Variants in TMEM132D observed in about 807,000 individuals in gnomAD.
The protein encoded by TMEM132D is transmembrane protein 132D.
TMEM132D carries 21 observed loss-of-function variants against 62.3 expected under a neutral mutation model. The observed-to-expected ratio is 0.34, with a 90% CI of 0.24 to 0.49. The LOEUF (loss-of-function observed/expected upper bound fraction) is 0.49, where lower values mean the gene tolerates loss of function less well. Ranked by LOEUF, TMEM132D falls within the 20% of genes least tolerant of loss-of-function variation. The pLI is 0.99. For synonymous variants in TMEM132D, 621 were observed against 575.6 expected (o/e 1.08, Z -1.13); for missense variants, 1,346 against 1,402.8 (o/e 0.96, Z 0.65).
chr12:129,609,104 A>C (rs911193319), intron 2 of TMEM132D, among the ~76,000 whole-genome samples: 6 of 151,858 alleles, frequency 4.0e-5, no homozygotes, highest in Admixed American at 3.9e-4. Flanking sequence ...ACACGCCCAG[A>C]TAATTTTTTT....
chr12:129,278,638 C>G (rs1337873143), intron 4 of TMEM132D, among the ~76,000 whole-genome samples: 1 of 152,124 alleles, frequency 6.6e-6, no homozygotes, highest in Non-Finnish European at 1.5e-5. Context: ...TGAGGTCCCT[C>G]CAGCATTAAG....
chr12:129,414,599 TC>T (rs1439907527), intron 3 of TMEM132D, among the ~76,000 whole-genome samples: 2 of 152,252 alleles, frequency 1.3e-5, no homozygotes, highest in African/African-American at 4.8e-5. Flanking sequence ...ATGACCACAA[TC>T]AGGATAACTG....
At chr12:129,776,909 G>A (rs1209387124) in intron 1 of TMEM132D, among the ~76,000 whole-genome samples, 1 of 151,602 alleles carries the variant, frequency 6.6e-6, no homozygotes, top group Non-Finnish European at 1.5e-5. Context: ...CTACACCTTT[G>A]GGTAGGAAAA....
chr12:129,447,147 T>C (rs542638108), intron 3 of TMEM132D, among the ~76,000 whole-genome samples: 6 of 152,094 alleles, frequency 3.9e-5, no homozygotes, highest in African/African-American at 1.4e-4. Flanking sequence ...CTTGGTGGAG[T>C]AGAAACAATT....
chr12:129,218,665 C>A (rs968529626), intron 4 of TMEM132D, among the ~76,000 whole-genome samples: 1 of 152,180 alleles, frequency 6.6e-6, no homozygotes, highest in African/African-American at 2.4e-5. Context: ...GTGATTAGAT[C>A]AAAGTATATT....
At chr12:129,513,996 C>A (rs1566093934) in intron 3 of TMEM132D, among the ~76,000 whole-genome samples, 1 of 150,250 alleles carries the variant, frequency 6.7e-6, no homozygotes, top group Non-Finnish European at 1.5e-5. Flanking sequence ...CGCCACCACG[C>A]CTGGCTAATT....
chr12:129,642,208 T>C (rs950870535), intron 2 of TMEM132D, among the ~76,000 whole-genome samples: 2 of 152,104 alleles, frequency 1.3e-5, no homozygotes, highest in African/African-American at 4.8e-5. Flanking sequence ...GTCACAAGGG[T>C]GAATGCAATC....
intron 4 of TMEM132D, among the ~76,000 whole-genome samples, chr12:129,281,305 T>C (rs944116687): frequency 4.5e-4 from 68 of 152,288 alleles, no homozygotes; most frequent in African/African-American, 1.5e-3. Flanking sequence ...GAAGGTGTCA[T>C]TTGTAACCTC....
intron 3 of TMEM132D, among the ~76,000 whole-genome samples, chr12:129,491,548 C>T (rs977991619): frequency 6.6e-6 from 1 of 152,132 alleles, no homozygotes; most frequent in Non-Finnish European, 1.5e-5. Context: ...TCACTCCATG[C>T]GGTCACTTAG....
chr12:129,649,265 ATTGAATTCCATATTCC>A (rs1344485651), intron 2 of TMEM132D, among the ~76,000 whole-genome samples: 1 of 152,200 alleles, frequency 6.6e-6, no homozygotes, highest in Non-Finnish European at 1.5e-5. Flanking sequence ...GTCATCAGGA[ATTGAATTCCATATTCC>A]TTCACTTTCT....
At chr12:129,078,299 A>T (rs565944987) in intron 8 of TMEM132D, among the ~76,000 whole-genome samples, 2 of 152,278 alleles carry the variant, frequency 1.3e-5, no homozygotes, top group African/African-American at 4.8e-5. Flanking sequence ...CATTTTTCAC[A>T]TGTTGCAATC....
intron 3 of TMEM132D, among the ~76,000 whole-genome samples, chr12:129,387,211 CAACACTAACACTAATAT>C (rs1871130719): frequency 8.3e-6 from 1 of 120,724 alleles, no homozygotes; most frequent in Admixed American, 7.5e-5. Context: ...ACAATAATAC[CAACACTAACACTAATAT>C]AACACTAACA....
chr12:129,787,501 A>G (rs1386387529), intron 1 of TMEM132D, among the ~76,000 whole-genome samples: 11 of 152,188 alleles, frequency 7.2e-5, no homozygotes, highest in African/African-American at 2.7e-4. Context: ...CTCTTAATCT[A>G]CAGAAAGAGC....
chr12:129,629,547 T>C (rs1308765077), intron 2 of TMEM132D, among the ~76,000 whole-genome samples: 1 of 152,212 alleles, frequency 6.6e-6, no homozygotes, highest in African/African-American at 2.4e-5. Flanking sequence ...GCCTCTCCCA[T>C]GATGTCCGTC....
chr12:129,356,550 A>T (rs1234815979), intron 3 of TMEM132D, among the ~76,000 whole-genome samples: 7 of 151,218 alleles, frequency 4.6e-5, no homozygotes, highest in Non-Finnish European at 1.0e-4. Flanking sequence ...GGGCTCGGTG[A>T]CTCATGCCTG....
chr12:129,828,040 G>C (rs1037106189), intron 1 of TMEM132D, among the ~76,000 whole-genome samples: 4 of 152,170 alleles, frequency 2.6e-5, no homozygotes, highest in Non-Finnish European at 5.9e-5. Flanking sequence ...TGCTCACCCA[G>C]TTTAGAGGAG....
intron 2 of TMEM132D, among the ~76,000 whole-genome samples, chr12:129,536,553 C>T (rs1876395943): frequency 6.6e-6 from 1 of 152,168 alleles, no homozygotes; most frequent in Admixed American, 6.5e-5. Flanking sequence ...TAACATTTTG[C>T]TTATATGATG....
intron 4 of TMEM132D, among the ~76,000 whole-genome samples, chr12:129,279,302 C>G (rs76011709): frequency 2.0e-5 from 3 of 152,118 alleles, no homozygotes; most frequent in African/African-American, 4.8e-5. Flanking sequence ...AGTGATAACA[C>G]GTTAAGTAAG....
chr12:129,177,333 A>G (rs1304890815), intron 5 of TMEM132D, among the ~76,000 whole-genome samples: 2 of 152,182 alleles, frequency 1.3e-5, no homozygotes, highest in Non-Finnish European at 2.9e-5. Context: ...AATGAAGCAT[A>G]TATTCTACAG....
Sources: gnomAD v4.1 joint callset for allele counts (sites outside exome capture counted in the v4.1 genomes callset) on GRCh38, gnomAD v4.1.1 for gene constraint, MANE v1.5 for transcripts, NCBI Gene and HGNC (gene_info 2026-07-23, HGNC 2026-07-21) for gene names.